ABL1: variants seen among roughly 807,000 people sequenced by gnomAD.
ABL1 encodes the protein tyrosine-protein kinase ABL1.
In ABL1, 11 loss-of-function variants were observed where a neutral mutation model predicts 94.7. That is an observed-to-expected ratio of 0.12 (90% CI 0.07 to 0.19). The LOEUF (loss-of-function observed/expected upper bound fraction) is 0.19. Among genes scored for constraint, ABL1 ranks in the 10% least tolerant of loss-of-function variants. The pLI is 1.00. For synonymous variants in ABL1, 656 were observed against 622.4 expected, an observed-to-expected ratio of 1.05 and a Z score of -0.80; for missense variants, 1,082 against 1,489.4, an observed-to-expected ratio of 0.73 and a Z score of 4.50.
At chr9:130,727,275 C>G (rs969037599) in intron 1 of ABL1, among the ~76,000 whole-genome samples, 3 of 149,816 alleles carry the variant, frequency 2.0e-5, no homozygotes, top group South Asian at 2.1e-4. Flanking sequence ...CCATGTTACC[C>G]AGGCTGGTCT....
intron 1 of ABL1, among the ~76,000 whole-genome samples, chr9:130,727,832 G>T (rs1338800381): frequency 1.4e-5 from 2 of 144,260 alleles, no homozygotes; most frequent in African/African-American, 5.3e-5. Flanking sequence ...TGTAACTCAA[G>T]AAGCCAGAGA....
chr9:130,829,709 G>T (rs1830471300), intron 1 of ABL1, among the ~76,000 whole-genome samples: 2 of 152,228 alleles, frequency 1.3e-5, no homozygotes, highest in African/African-American at 4.8e-5. Flanking sequence ...TGAAAACAAG[G>T]CAATATCTCT....
At chr9:130,720,229 A>G (rs1831498279) in intron 1 of ABL1, among the ~76,000 whole-genome samples, 1 of 152,208 alleles carries the variant, frequency 6.6e-6, no homozygotes, top group South Asian at 2.1e-4. Context: ...CTAAGTAAAT[A>G]AAATACAGAT....
chr9:130,863,284 T>G lies in ABL1; in HGVS notation c.822+249T>G, dbSNP rs1330084712. ...TGGAGGGGTTTTGGTGTAAAAAGAT[T>G]AGTCATTTGGAGAGGTTTTCTCATT... On this transcript the variant is annotated intron_variant, in intron 4 of 10. Transcript: ENST00000318560. The surrounding 1 kb of genome is among the most constrained non-coding windows in gnomAD (Gnocchi z 4.3). Among the ~76,000 whole-genome samples the G allele has an allele frequency of 2.0e-5, 3 of 152,180 alleles. No individual in the cohort carries two copies. The highest frequency in any genetic ancestry group is 4.8e-5 in the African/African-American group (2 of 41,440).
rs1438536096 is a variant in ABL1, at chr9:130,862,063, G to A, written c.550-700G>A. ...TAAATCCTTCCTTTTGCTTCCTCGT[G>A]TTGGATGTGTTTAGTGGTTTTCATC... is the stretch of plus-strand genomic sequence containing the variant. On this transcript the variant is annotated intron_variant, in intron 3 of 10. Coordinates refer to ENST00000318560, the MANE Select transcript of ABL1 (RefSeq NM_005157.6). This position sits in a 1 kb window ranked among gnomAD's most constrained non-coding sequence, Gnocchi z 5.5. 6.6e-6 allele frequency among the ~76,000 whole-genome samples: 1 copy of A among 152,162 alleles called. No homozygotes were observed. Among genetic ancestry groups the A allele is most frequent in the Non-Finnish European group, 1.5e-5 (1 of 68,032 alleles).
rs34634745 is a variant in ABL1 at position 130,884,407 on chromosome 9, G to T, written c.2117G>T (p.Gly706Val). The T allele has an allele frequency of 1.1e-4, 178 of 1,612,100 alleles. 1 individual carries two copies. In the East Asian group the frequency reaches 2.7e-3, roughly 25 times the overall value. Reference protein sequence around the residue: ...SRLATGEEEGGGSSSKRFLRS... With the variant: ...SRLATGEEEGVGSSSKRFLRS... ...CTAGCCACCGGCGAGGAGGAGGGCG[G>T]TGGCAGCTCCAGCAAGCGCTTCCTG... The change falls in exon 11 of 11, where the codon GGT becomes GTT. Residue 706 changes from glycine to valine, a missense_variant. By Grantham distance (109) the Gly-to-Val change is moderately radical. Coordinates refer to ENST00000318560, the MANE Select transcript of ABL1 (RefSeq NM_005157.6). The surrounding 1 kb of genome is among the most constrained non-coding windows in gnomAD (Gnocchi z 5.6).
In ABL1 at chr9:130,884,476, C is replaced by T. The variant is rs768245401; in HGVS notation, c.2186C>T (p.Thr729Met). 40 of 1,612,944 alleles carry T rather than the reference C, an allele frequency of 2.5e-5. 1 individual carries two copies. The highest frequency in any genetic ancestry group is 5.0e-5 in the Admixed American group (3 of 60,014). The change falls in exon 11 of 11, where the codon ACG (threonine) becomes ATG (methionine). Residue 729 changes from threonine (T) to methionine (M), a missense_variant. Thr to Met is a moderately conservative substitution (Grantham distance 81). This residue lies in a region of ABL1 where 780 missense variants were observed against 835.8 expected (regional missense o/e 0.93). Transcript: ENST00000318560. The surrounding 1 kb of genome is among the most constrained non-coding windows in gnomAD (Gnocchi z 5.6). ...ASCVPHGAKD[T>M]EWRSVTLPRD... ...TGCGTTCCCCATGGGGCCAAGGACA[C>T]GGAGTGGAGGTCAGTCACGCTGCCT...
At chr9:130,720,410 A>G (rs184283193) in intron 1 of ABL1, among the ~76,000 whole-genome samples, 2 of 152,290 alleles carry the variant, frequency 1.3e-5, no homozygotes, top group Admixed American at 1.3e-4. Context: ...AATATGTGAA[A>G]GAATTTCAGG....
Position 130,854,155 on chromosome 9 carries a change from A to G in ABL1, c.171A>G (p.Gly57=). ...ACTCCAAGGAAAACCTTCTCGCTGGACCCAGTGAAAATGACCCCAACCTTT... is the reference window on the plus strand; with the variant it reads ...ACTCCAAGGAAAACCTTCTCGCTGGGCCCAGTGAAAATGACCCCAACCTTT... ...RWNSKENLLA[G]PSENDPNLFV... The change falls in exon 2 of 11, where the codon GGA becomes GGG. Residue 57 remains glycine, a synonymous_variant. Transcript: ENST00000318560. 1 of 1,614,138 alleles carries G rather than the reference A, an allele frequency of 6.2e-7. No homozygotes were observed. Among genetic ancestry groups the G allele is most frequent in the Non-Finnish European group, 8.5e-7 (1 of 1,180,030 alleles).
At position 130,851,869 on chromosome 9, in the gene ABL1, A is replaced by C. The variant is rs375096730; in HGVS notation, c.80-2195A>C. Among the ~76,000 whole-genome samples the C allele has an allele frequency of 2.7e-3, 405 of 148,688 alleles. 2 individuals carry two copies. The highest frequency in any genetic ancestry group is 9.8e-3 in the African/African-American group (395 of 40,366). Reference sequence around the variant, plus strand: ...GCAGCCTCACCTCCCGGGTTCAGGCAATTCTCCGGCCTCAGTCTCCTGAGT... The same window carrying C: ...GCAGCCTCACCTCCCGGGTTCAGGCCATTCTCCGGCCTCAGTCTCCTGAGT... On this transcript the variant is annotated intron_variant, in intron 1 of 10. Coordinates refer to ENST00000318560, the MANE Select transcript of ABL1 (RefSeq NM_005157.6).
chr9:130,855,549 C>T (rs911790828), intron 3 of ABL1, among the ~76,000 whole-genome samples: 1 of 152,166 alleles, frequency 6.6e-6, no homozygotes, highest in Non-Finnish European at 1.5e-5. Flanking sequence ...CGGATGAACA[C>T]ATTCATGGAG....
intron 1 of ABL1, among the ~76,000 whole-genome samples, chr9:130,718,836 C>G (rs941435538): frequency 1.3e-5 from 2 of 152,152 alleles, no homozygotes; most frequent in Non-Finnish European, 2.9e-5. Context: ...GAGCCATGAT[C>G]ACGCCACTGC....
At chr9:130,844,250 A>C (rs1037399411) in intron 1 of ABL1, among the ~76,000 whole-genome samples, 8 of 152,196 alleles carry the variant, frequency 5.3e-5, no homozygotes, top group African/African-American at 1.9e-4. Flanking sequence ...AGGGGGACCC[A>C]GCCAAGGGCG....
At chr9:130,732,846 C>G (rs563614776) in intron 1 of ABL1, among the ~76,000 whole-genome samples, 1 of 152,064 alleles carries the variant, frequency 6.6e-6, no homozygotes, top group East Asian at 1.9e-4. Flanking sequence ...TTTAAGTCCT[C>G]CTTTAAGAGT....
chr9:130,783,229 G>C (rs1360705834), intron 1 of ABL1, among the ~76,000 whole-genome samples: 1 of 152,176 alleles, frequency 6.6e-6, no homozygotes, highest in African/African-American at 2.4e-5. Context: ...TAACCACCCA[G>C]TGTTAAGTGT....
intron 3 of ABL1, among the ~76,000 whole-genome samples, chr9:130,858,940 G>A (rs1022765694): frequency 1.7e-4 from 26 of 152,070 alleles, no homozygotes; most frequent in Non-Finnish European, 1.9e-4. Flanking sequence ...CCATCAGCTC[G>A]GGGCCCAGAG....
intron 1 of ABL1, among the ~76,000 whole-genome samples, chr9:130,825,299 T>C (rs1412696772): frequency 1.3e-5 from 2 of 152,170 alleles, no homozygotes; most frequent in African/African-American, 4.8e-5. Flanking sequence ...TACACTCCCC[T>C]CCAGCTGCCT....
intron 6 of ABL1, among the ~76,000 whole-genome samples, chr9:130,873,288 A>G (rs1831284629): frequency 6.6e-6 from 1 of 152,228 alleles, no homozygotes; most frequent in Non-Finnish European, 1.5e-5. Flanking sequence ...GGAGTAAGGA[A>G]TATTTCATTT....
chr9:130,726,594 T>A (rs982980468), intron 1 of ABL1, among the ~76,000 whole-genome samples: 1 of 152,208 alleles, frequency 6.6e-6, no homozygotes, highest in African/African-American at 2.4e-5. Context: ...TCTCAATTGT[T>A]TTCCATTTTA....
Sources: allele counts gnomAD v4.1 joint callset (sites outside exome capture counted in the v4.1 genomes callset), GRCh38; gene constraint gnomAD v4.1.1; regional missense constraint gnomAD v4.1.1; non-coding constraint Gnocchi (gnomAD v3.1); transcripts MANE v1.5; gene names NCBI Gene and HGNC (gene_info 2026-07-23, HGNC 2026-07-21).